Variants in SYNPO2 observed in about 807,000 individuals in gnomAD.
SYNPO2 encodes synaptopodin 2.
A neutral mutation model predicts 85.0 loss-of-function variants in SYNPO2; 56 were observed. That is an observed-to-expected ratio of 0.66 (90% CI 0.53 to 0.82). The LOEUF is 0.82. Among genes scored for constraint, SYNPO2 ranks in the 40% least tolerant of loss-of-function variants. The pLI is 0.00. For synonymous variants in SYNPO2, 602 were observed against 591.1 expected, an observed-to-expected ratio of 1.02 and a Z score of -0.27; for missense variants, 1,575 against 1,534.2, an observed-to-expected ratio of 1.03 and a Z score of -0.44.
intron 1 of SYNPO2, among the ~76,000 whole-genome samples, chr4:119,022,998 G>A (rs112296460): frequency 3.3e-5 from 5 of 151,316 alleles, no homozygotes; most frequent in Non-Finnish European, 2.9e-5. Context: ...GGCTGGTCTC[G>A]AACTCCTGAC....
chr4:118,932,597 A>G (rs1459414204), intron 1 of SYNPO2, among the ~76,000 whole-genome samples: 2 of 152,192 alleles, frequency 1.3e-5, no homozygotes, highest in Admixed American at 1.3e-4. Context: ...AGAGGCCTTC[A>G]TAGAAACTGA....
intron 4 of SYNPO2, chr4:119,032,610 A>G (rs1173093108): frequency 1.0e-6 from 1 of 991,750 alleles, no homozygotes; most frequent in Non-Finnish European, 1.2e-6. Context: ...GTTGGAATGT[A>G]TATAGTTTAG....
At chr4:118,853,980 TG>T (rs945817172) in intron 1 of SYNPO2, among the ~76,000 whole-genome samples, 1 of 152,214 alleles carries the variant, frequency 6.6e-6, no homozygotes, top group Non-Finnish European at 1.5e-5. Flanking sequence ...TATGTTATTT[TG>T]TTGTCAATGC....
intron 1 of SYNPO2, among the ~76,000 whole-genome samples, chr4:119,013,262 T>C (rs1737400504): frequency 6.6e-6 from 1 of 152,204 alleles, no homozygotes; most frequent in African/African-American, 2.4e-5. Flanking sequence ...ATGATGCCAG[T>C]TTTACATAAG....
intron 1 of SYNPO2, among the ~76,000 whole-genome samples, chr4:118,972,521 C>T (rs575422267): frequency 6.6e-6 from 1 of 152,236 alleles, no homozygotes; most frequent in African/African-American, 2.4e-5. Flanking sequence ...GAAAATAAAA[C>T]ACTTTTTATG....
intron 4 of SYNPO2, among the ~76,000 whole-genome samples, chr4:119,038,760 G>C (rs1738616050): frequency 6.6e-6 from 1 of 152,206 alleles, no homozygotes; most frequent in Non-Finnish European, 1.5e-5. Flanking sequence ...GCCAATCCCA[G>C]TCAGGACAGC....
At chr4:119,032,229 G>A (rs1738305485) in intron 4 of SYNPO2, 2 of 1,431,508 alleles carry the variant, frequency 1.4e-6, no homozygotes, top group Admixed American at 5.9e-5. Context: ...ATCCAACTCA[G>A]ATTGACCTAA....
At chr4:118,975,620 C>T (rs1735694856) in intron 1 of SYNPO2, among the ~76,000 whole-genome samples, 1 of 152,184 alleles carries the variant, frequency 6.6e-6, no homozygotes, top group East Asian at 1.9e-4. Flanking sequence ...TGGGTTACCA[C>T]ACAATTTATT....
intron 4 of SYNPO2, chr4:119,032,312 G>C: frequency 7.5e-7 from 1 of 1,326,710 alleles, no homozygotes; most frequent in Non-Finnish European, 9.7e-7. Flanking sequence ...GTTATATTAA[G>C]TAAGCAGGAG....
chr4:119,058,012 A>G lies in SYNPO2; in HGVS notation c.*78A>G. The G allele has an allele frequency of 4.1e-6, 6 of 1,447,766 alleles. No homozygotes were observed. The African/African-American group carries it at 5.7e-5, about 14-fold the overall frequency. 89.7% of individuals were successfully genotyped at this position (1,447,766 alleles called of 1,614,324 possible). A position where few individuals can be genotyped will look rare whatever the true frequency, so the allele number is the denominator to read the frequency against. ...CTTTGTAGGGTTTTAAACTTTTCTAATAGATTTAGATTCACTTTTGGTCTT... is the reference window on the plus strand; with the variant it reads ...CTTTGTAGGGTTTTAAACTTTTCTAGTAGATTTAGATTCACTTTTGGTCTT... On this transcript the variant is annotated 3_prime_UTR_variant, in exon 5 of 5. Coordinates refer to ENST00000307142, the MANE Select transcript of SYNPO2 (RefSeq NM_133477.3).
At chr4:118,941,316 A>G (rs1011030529) in intron 1 of SYNPO2, among the ~76,000 whole-genome samples, 6 of 152,142 alleles carry the variant, frequency 3.9e-5, no homozygotes, top group Non-Finnish European at 7.4e-5. Context: ...CCAGTCACCA[A>G]CTGCATTCAG....
chr4:118,999,315 AT>A (rs952995704), intron 1 of SYNPO2, among the ~76,000 whole-genome samples: 7 of 151,194 alleles, frequency 4.6e-5, no homozygotes, highest in East Asian at 2.0e-4. Flanking sequence ...TGCCCAGCTA[AT>A]TTTTTTTTAA....
chr4:118,912,923 T>C (rs1277044927), intron 1 of SYNPO2, among the ~76,000 whole-genome samples: 5 of 152,216 alleles, frequency 3.3e-5, no homozygotes, highest in East Asian at 3.8e-4. Context: ...GTAAGAATTA[T>C]TTTTTCATGT....
At chr4:119,038,853 G>T (rs572588437) in intron 4 of SYNPO2, among the ~76,000 whole-genome samples, 1 of 151,448 alleles carries the variant, frequency 6.6e-6, no homozygotes, top group African/African-American at 2.4e-5. Context: ...TCTGTCAAAG[G>T]CTTCCCAGCA....
At chr4:118,959,189 T>C (rs1366969497) in intron 1 of SYNPO2, among the ~76,000 whole-genome samples, 2 of 152,182 alleles carry the variant, frequency 1.3e-5, no homozygotes, top group Admixed American at 1.3e-4. Context: ...CCGATTACCA[T>C]ATCAGGACAT....
intron 1 of SYNPO2, among the ~76,000 whole-genome samples, chr4:118,900,701 C>CTATA (rs1194269230): frequency 4.4e-3 from 120 of 27,186 alleles, no homozygotes; most frequent in East Asian, 0.014. Flanking sequence ...CTCTCTCTCT[C>CTATA]TCTATATATA....
At position 119,027,397 on chromosome 4, in the gene SYNPO2, A is replaced by C. The variant is rs1001101449; in HGVS notation, c.1028A>C (p.Lys343Thr). ...CAGGGAGAAGATCCACGCTCGGAAA[A>C]AGATCACAGCAGACCTCACAAGCAC... ...TEQGEDPRSE[K>T]DHSRPHKHRA... is the part of the protein sequence containing the mutation. The change falls in exon 3 of 5, where the codon AAA (lysine) becomes ACA (threonine). Residue 343 changes from lysine (K) to threonine (T), a missense_variant. This residue lies in a region of SYNPO2 where 1,508 missense variants were observed against 1,446.8 expected (regional missense o/e 1.04). Transcript: ENST00000307142. 6.2e-7 allele frequency: 1 copy of C among 1,612,230 alleles called. No individual in the cohort carries two copies.
chr4:119,014,659 C>A (rs903311422), intron 1 of SYNPO2, among the ~76,000 whole-genome samples: 3 of 152,136 alleles, frequency 2.0e-5, no homozygotes, highest in African/African-American at 7.2e-5. Flanking sequence ...TTTTAAGAGT[C>A]TAAACAGTTC....
intron 1 of SYNPO2, among the ~76,000 whole-genome samples, chr4:118,898,360 T>A (rs991685319): frequency 7.2e-5 from 11 of 152,168 alleles, no homozygotes; most frequent in Non-Finnish European, 1.0e-4. Context: ...ATTGGCCCTG[T>A]AACTGGTCTC....
Sources: allele counts gnomAD v4.1 joint callset (sites outside exome capture counted in the v4.1 genomes callset), GRCh38; gene constraint gnomAD v4.1.1; regional missense constraint gnomAD v4.1.1; transcripts MANE v1.5; gene names NCBI Gene and HGNC (gene_info 2026-07-23, HGNC 2026-07-21).